KIF13B: variants seen among roughly 807,000 people sequenced by gnomAD.
KIF13B encodes the protein kinesin-like protein KIF13B.
A neutral mutation model predicts 222.0 loss-of-function variants in KIF13B; 127 were observed. The observed-to-expected ratio is 0.57, with a 90% CI of 0.50 to 0.66. The LOEUF (loss-of-function observed/expected upper bound fraction) is 0.66. Among genes scored for constraint, KIF13B ranks in the 30% least tolerant of loss-of-function variants. KIF13B has a pLI of 0.00. For synonymous variants in KIF13B, 976 were observed against 919.0 expected (o/e 1.06, Z -1.12); for missense variants, 2,173 against 2,379.0 (o/e 0.91, Z 1.80).
intron 37 of KIF13B, among the ~76,000 whole-genome samples, chr8:29,080,327 CAAA>C (rs5890439): frequency 3.0e-5 from 2 of 67,150 alleles, no homozygotes; most frequent in Non-Finnish European, 5.3e-5. Flanking sequence ...GACCCAGTCT[CAAA>C]AAAAAAAAAA....
intron 2 of KIF13B, among the ~76,000 whole-genome samples, chr8:29,203,431 A>AT (rs1813786556): frequency 6.6e-6 from 1 of 152,320 alleles, no homozygotes; most frequent in Admixed American, 6.5e-5. Context: ...CCTAGACACT[A>AT]TCTTTCTTAA....
rs749791838 is a variant in KIF13B at position 29,140,154 on chromosome 8, C to G, written c.2522G>C (p.Ser841Thr). 8 of 1,613,774 alleles carry G rather than the reference C, an allele frequency of 5.0e-6. No individual in the cohort carries two copies. Among genetic ancestry groups the G allele is most frequent in the East Asian group, 2.2e-5 (1 of 44,874 alleles). The change falls in exon 21 of 40, where the codon AGT becomes ACT. Residue 841 changes from serine to threonine, a missense_variant. Physicochemically the swap from Ser to Thr is moderately conservative, Grantham distance 58 (BLOSUM62 1). Transcript: ENST00000524189. ...GRLHVEVMRL[S>T]GDVGERIAGG... ...TGCGATCCTCTCCCCAACATCACCA[C>G]TGAGTCGCATCACCTCCACGTGCAG...
intron 2 of KIF13B, among the ~76,000 whole-genome samples, chr8:29,238,520 G>T (rs1815614404): frequency 1.3e-5 from 2 of 152,088 alleles, no homozygotes; most frequent in Admixed American, 1.3e-4. Flanking sequence ...ATTTTTAATG[G>T]CCTTACTAAA....
At chr8:29,116,178 T>TGC (rs1351611699) in intron 31 of KIF13B, among the ~76,000 whole-genome samples, 1 of 152,254 alleles carries the variant, frequency 6.6e-6, no homozygotes, top group East Asian at 1.9e-4. Flanking sequence ...AGAGCAGGCG[T>TGC]GCGCCACTGC....
At chr8:29,160,912 C>T (rs1811749296) in intron 12 of KIF13B, 45 bp from the exon 13 acceptor site, 3 of 1,558,422 alleles carry the variant, frequency 1.9e-6, no homozygotes, top group Admixed American at 3.5e-5. Context: ...GCTATTGAGG[C>T]AGTGAGATAT....
intron 28 of KIF13B, among the ~76,000 whole-genome samples, chr8:29,122,946 C>T (rs894562485): frequency 8.5e-5 from 13 of 152,208 alleles, no homozygotes; most frequent in African/African-American, 3.1e-4. Flanking sequence ...GCTAAATTTA[C>T]TATTTTTAAT....
At chr8:29,139,382 T>C (rs1490153227) in intron 21 of KIF13B, among the ~76,000 whole-genome samples, 1 of 152,212 alleles carries the variant, frequency 6.6e-6, no homozygotes, top group Non-Finnish European at 1.5e-5. Context: ...ATCAACCCTA[T>C]GTCTCCATCT....
intron 14 of KIF13B, among the ~76,000 whole-genome samples, chr8:29,154,700 C>T (rs1192403049): frequency 6.6e-6 from 1 of 152,250 alleles, no homozygotes; most frequent in East Asian, 1.9e-4. Context: ...GCAACGATGA[C>T]GTGGCCTGCT....
At chr8:29,085,022 A>G (rs1291912346) in intron 37 of KIF13B, among the ~76,000 whole-genome samples, 2 of 152,268 alleles carry the variant, frequency 1.3e-5, no homozygotes, top group Admixed American at 6.5e-5. Flanking sequence ...CCTTATGAAT[A>G]TGTTCAAACC....
intron 12 of KIF13B, among the ~76,000 whole-genome samples, chr8:29,161,106 G>A (rs1467908693): frequency 6.6e-6 from 1 of 152,048 alleles, no homozygotes; most frequent in Non-Finnish European, 1.5e-5. Context: ...TTGTACTAGT[G>A]ATTCTCAGTT....
intron 32 of KIF13B, among the ~76,000 whole-genome samples, chr8:29,113,161 ATC>A (rs1261976944): frequency 6.6e-6 from 1 of 152,238 alleles, no homozygotes. Context: ...TCCAACTGGA[ATC>A]TCTATGCTAC....
At chr8:29,231,641 A>C (rs1257848625) in intron 2 of KIF13B, among the ~76,000 whole-genome samples, 2 of 152,240 alleles carry the variant, frequency 1.3e-5, no homozygotes, top group Non-Finnish European at 2.9e-5. Context: ...GTAATTAACA[A>C]AATAATAAAG....
At chr8:29,115,900 T>C (rs1809572525) in intron 31 of KIF13B, among the ~76,000 whole-genome samples, 1 of 152,088 alleles carries the variant, frequency 6.6e-6, no homozygotes. Flanking sequence ...GCTGCCCTCC[T>C]CTCTGAAGCG....
intron 6 of KIF13B, among the ~76,000 whole-genome samples, chr8:29,182,334 T>C (rs1812745910): frequency 6.6e-6 from 1 of 152,184 alleles, no homozygotes; most frequent in Admixed American, 6.5e-5. Flanking sequence ...CAGTAAATGT[T>C]AACTGTGCGA....
intron 37 of KIF13B, 109 bp downstream of exon 37, chr8:29,092,636 C>A (rs1217778803): frequency 1.6e-6 from 2 of 1,227,702 alleles, no homozygotes; most frequent in East Asian, 2.6e-5. Flanking sequence ...GTTTAAAAAC[C>A]CAGTTTAGCC....
rs1586736666 is a variant in KIF13B at position 29,071,807 on chromosome 8, C to T, written c.5031G>A (p.Ala1677=). The T allele has an allele frequency of 3.2e-6, 5 of 1,545,238 alleles. No homozygotes were observed. The East Asian group carries it at 7.3e-5, about 23-fold the overall frequency. The stretch of plus-strand genomic sequence containing the variant: ...CCTGTCCCCCGGCGCCCGGGGCCGG[C>T]GCATTCCCCTCGGCCCCCGGGGAGC... The part of the protein sequence containing the change: ...PGCSPGAEGN[A]PAPGAGGQAL... Residue 1677 remains alanine (A), a synonymous_variant, in exon 39 of 40, where the codon GCG becomes GCA. Transcript: ENST00000524189. The surrounding 1 kb of genome is among the most constrained non-coding windows in gnomAD (Gnocchi z 4.9).
intron 2 of KIF13B, among the ~76,000 whole-genome samples, chr8:29,236,963 A>T (rs990575284): frequency 4.6e-5 from 7 of 152,168 alleles, no homozygotes; most frequent in Non-Finnish European, 1.0e-4. Context: ...CATGTAAAAA[A>T]ATTAATAACA....
intron 38 of KIF13B, among the ~76,000 whole-genome samples, chr8:29,073,532 G>C (rs193296012): frequency 6.6e-6 from 1 of 152,318 alleles, no homozygotes; most frequent in East Asian, 1.9e-4. Context: ...CGAAGAAAAG[G>C]AGAAGGCAGG....
At chr8:29,140,035 G>GT in intron 21 of KIF13B, 28 bp downstream of exon 21, 2 of 1,546,316 alleles carry the variant, frequency 1.3e-6, no homozygotes, top group Non-Finnish European at 1.7e-6. Flanking sequence ...TTGTATCAAC[G>GT]TAATACTAGG....
Sources: gnomAD v4.1 joint callset for allele counts (sites outside exome capture counted in the v4.1 genomes callset) on GRCh38, gnomAD v4.1.1 for gene constraint, Gnocchi (gnomAD v3.1) non-coding constraint, MANE v1.5 for transcripts, NCBI Gene and HGNC (gene_info 2026-07-23, HGNC 2026-07-21) for gene names.